Variants in PTPRN2 observed in about 807,000 individuals in gnomAD.
The protein encoded by PTPRN2 is protein tyrosine phosphatase receptor type N2.
Under a neutral mutation model 118.8 loss-of-function variants are expected in PTPRN2, and 74 were observed. That is an observed-to-expected ratio of 0.62 (90% CI 0.52 to 0.76). The LOEUF (loss-of-function observed/expected upper bound fraction) is 0.76. Among genes scored for constraint, PTPRN2 ranks in the 30% least tolerant of loss-of-function variants. The probability of loss-of-function intolerance (pLI) is 0.00; values close to 1 mark genes in which losing one functional copy is unlikely to be tolerated. For synonymous variants in PTPRN2, 641 were observed against 608.0 expected (o/e 1.05, Z -0.80); for missense variants, 1,481 against 1,394.4 (o/e 1.06, Z -0.99).
intron 2 of PTPRN2, among the ~76,000 whole-genome samples, chr7:158,370,478 C>T (rs1329222445): frequency 6.7e-6 from 1 of 149,996 alleles, no homozygotes; most frequent in South Asian, 2.1e-4. Flanking sequence ...GAGGGCTGGG[C>T]GCAGTGGCTC....
At chr7:158,305,801 A>AAAAAAAG (rs1554447988) in intron 3 of PTPRN2, among the ~76,000 whole-genome samples, 41 of 152,128 alleles carry the variant, frequency 2.7e-4, no homozygotes, top group African/African-American at 9.6e-4. Context: ...TCAAAAAAAA[A>AAAAAAAG]AAAAAAGAAA....
Position 158,093,844 on chromosome 7 carries a change from G to A in PTPRN2, c.1644-12467C>T, listed in dbSNP as rs1397865519. Among the ~76,000 whole-genome samples the A allele has an allele frequency of 6.6e-6, 1 of 152,146 alleles. No homozygotes were observed. The highest frequency in any genetic ancestry group is 1.9e-4 in the East Asian group (1 of 5,168). On this transcript the variant is annotated intron_variant, in intron 10 of 22. Transcript: ENST00000389418. This position sits in a 1 kb window ranked among gnomAD's most constrained non-coding sequence, Gnocchi z 4.4. ...AAGAAGAGAGAACCAATTCTTATTT[G>A]AATGTATGAGGAAACAAAGACACAC...
At chr7:157,722,970 A>AT (rs1799328298) in intron 12 of PTPRN2, among the ~76,000 whole-genome samples, 1 of 152,136 alleles carries the variant, frequency 6.6e-6, no homozygotes, top group African/African-American at 2.4e-5. Context: ...AGGGCGATGC[A>AT]TTTTGCGTCC....
intron 6 of PTPRN2, among the ~76,000 whole-genome samples, chr7:158,164,564 A>C (rs369922173): frequency 6.9e-6 from 1 of 145,868 alleles, no homozygotes; most frequent in South Asian, 2.2e-4. Context: ...TAGGGAAGGC[A>C]CGCAGAGCAG....
At chr7:158,507,110 T>G (rs1586826132) in intron 1 of PTPRN2, among the ~76,000 whole-genome samples, 1 of 152,112 alleles carries the variant, frequency 6.6e-6, no homozygotes, top group Admixed American at 6.5e-5. Context: ...AAGCTATGGG[T>G]CAGAACAGGC....
At chr7:158,582,641 T>A (rs1376602259) in intron 1 of PTPRN2, among the ~76,000 whole-genome samples, 1 of 151,860 alleles carries the variant, frequency 6.6e-6, no homozygotes, top group African/African-American at 2.4e-5. Context: ...GACAAAACTT[T>A]TTTAAATTAG....
chr7:158,484,843 C>T (rs1462739531), intron 2 of PTPRN2, among the ~76,000 whole-genome samples: 1 of 152,186 alleles, frequency 6.6e-6, no homozygotes, highest in Non-Finnish European at 1.5e-5. Context: ...GGTTTTCTGC[C>T]CTCTTCAGTG....
chr7:157,661,048 C>T (rs1795859497), intron 13 of PTPRN2, among the ~76,000 whole-genome samples: 2 of 152,244 alleles, frequency 1.3e-5, no homozygotes, highest in South Asian at 4.1e-4. Flanking sequence ...GCCACTGCAC[C>T]GGGCCAAAGT....
At chr7:158,494,067 G>A (rs1821650585) in intron 1 of PTPRN2, among the ~76,000 whole-genome samples, 1 of 152,226 alleles carries the variant, frequency 6.6e-6, no homozygotes, top group Non-Finnish European at 1.5e-5. Context: ...GTTTTGCAAG[G>A]AGTCAGGCTG....
At chr7:158,496,323 G>GCC (rs1821850568) in intron 1 of PTPRN2, among the ~76,000 whole-genome samples, 3 of 82,938 alleles carry the variant, frequency 3.6e-5, no homozygotes, top group East Asian at 8.9e-4. Flanking sequence ...CCCCTTTCCT[G>GCC]TGGCCCCTCC....
In PTPRN2 at chr7:157,595,233, T is replaced by A; in HGVS notation, c.2496+5A>T. ...AAAGAGAGATTTTAATTTAAAAATG[T>A]TCACCTGCCAAAAGTCAGCCACGGT... is the stretch of plus-strand genomic sequence containing the variant. On this transcript the variant is annotated splice_donor_5th_base_variant and intron_variant, in intron 17 of 22. Transcript: ENST00000389418. 6.2e-7 allele frequency: 1 copy of A among 1,613,844 alleles called. No individual in the cohort carries two copies. Among genetic ancestry groups the A allele is most frequent in the Non-Finnish European group, 8.5e-7 (1 of 1,179,730 alleles).
chr7:158,205,264 C>A lies in PTPRN2; in HGVS notation c.287G>T (p.Trp96Leu). 2 of 1,612,912 alleles carry A rather than the reference C, an allele frequency of 1.2e-6. No individual in the cohort carries two copies. Among genetic ancestry groups the A allele is most frequent in the Non-Finnish European group, 8.5e-7 (1 of 1,179,744 alleles). Residue 96 changes from tryptophan (W) to leucine (L), a missense_variant, in exon 4 of 23, where the codon TGG (tryptophan) becomes TTG (leucine). Trp to Leu is a moderately conservative substitution (Grantham distance 61, BLOSUM62 -2). Around this residue, in one of 3 missense-constraint regions of PTPRN2, gnomAD observed 1,115 missense variants for 994.2 expected, o/e 1.12. Coordinates refer to ENST00000389418, the MANE Select transcript of PTPRN2 (RefSeq NM_002847.5). ...LQKLSGTGFTWQDDYTQYVMD... is the reference protein window; with the variant it reads ...LQKLSGTGFTLQDDYTQYVMD... ...CACATACTGAGTATAGTCATCCTGCCACGTGAAACCTGTGGACAAAAATTG... is the reference window on the plus strand; with the variant it reads ...CACATACTGAGTATAGTCATCCTGCAACGTGAAACCTGTGGACAAAAATTG...
chr7:158,535,419 G>A (rs1001878506), intron 1 of PTPRN2, among the ~76,000 whole-genome samples: 1 of 152,146 alleles, frequency 6.6e-6, no homozygotes, highest in African/African-American at 2.4e-5. Context: ...ACTGGGTCAT[G>A]GTAAGAACCT....
At chr7:158,065,431 G>A (rs1008506298) in intron 11 of PTPRN2, among the ~76,000 whole-genome samples, 2 of 152,254 alleles carry the variant, frequency 1.3e-5, no homozygotes, top group African/African-American at 4.8e-5. Context: ...GGCATGGTTT[G>A]CGGAATATGG....
chr7:157,736,521 G>A (rs1217811820), intron 12 of PTPRN2, among the ~76,000 whole-genome samples: 2 of 152,218 alleles, frequency 1.3e-5, no homozygotes, highest in African/African-American at 4.8e-5. Flanking sequence ...AAGCCCGGGA[G>A]AGAGGTCACA....
At chr7:158,470,354 C>G (rs1819765596) in intron 2 of PTPRN2, among the ~76,000 whole-genome samples, 2 of 152,154 alleles carry the variant, frequency 1.3e-5, no homozygotes, top group South Asian at 4.1e-4. Context: ...CTGCATCTTT[C>G]CAGAATCTCA....
chr7:158,433,205 G>C (rs1176347204), intron 2 of PTPRN2, among the ~76,000 whole-genome samples: 1 of 152,214 alleles, frequency 6.6e-6, no homozygotes, highest in Non-Finnish European at 1.5e-5. Flanking sequence ...GTGCATAGAC[G>C]TGTAAGTTAT....
chr7:158,031,378 C>G (rs1226850455), intron 11 of PTPRN2, among the ~76,000 whole-genome samples: 2 of 152,170 alleles, frequency 1.3e-5, no homozygotes, highest in African/African-American at 4.8e-5. Context: ...AAAGACAGGT[C>G]TCACCAGAGG....
rs1313354945 is a variant in PTPRN2, at chr7:157,845,276, C to A, written c.1788+53397G>T. Among the ~76,000 whole-genome samples, 1 of 152,110 alleles carries A rather than the reference C, an allele frequency of 6.6e-6. No homozygotes were observed. The highest frequency in any genetic ancestry group is 1.5e-5 in the Non-Finnish European group (1 of 67,982). On this transcript the variant is annotated intron_variant, in intron 12 of 22. Coordinates refer to ENST00000389418, the MANE Select transcript of PTPRN2 (RefSeq NM_002847.5). The surrounding 1 kb of genome is among the most constrained non-coding windows in gnomAD (Gnocchi z 4.5). ...AAAATGCATGGCAGATACTCGATGG[C>A]CTTTCTGTCCTCCCTGCACCACCCA...
Sources: allele counts gnomAD v4.1 joint callset (sites outside exome capture counted in the v4.1 genomes callset), GRCh38; gene constraint gnomAD v4.1.1; regional missense constraint gnomAD v4.1.1; non-coding constraint Gnocchi (gnomAD v3.1); transcripts MANE v1.5; gene names NCBI Gene and HGNC (gene_info 2026-07-23, HGNC 2026-07-21).